The following PHF20 variants were observed in gnomAD, a reference collection of about 807,000 sequenced individuals.
PHF20 encodes PHD finger protein 20.
PHF20 carries 23 observed loss-of-function variants against 113.5 expected under a neutral mutation model. That is an observed-to-expected ratio of 0.20 (90% CI 0.15 to 0.29). PHF20 has a LOEUF of 0.29. Ranked by LOEUF, PHF20 falls within the 10% of genes least tolerant of loss-of-function variation. The probability of loss-of-function intolerance (pLI) is 1.00; values close to 1 mark genes in which losing one functional copy is unlikely to be tolerated. For synonymous variants in PHF20, 434 were observed against 457.3 expected, an observed-to-expected ratio of 0.95 and a Z score of 0.65; for missense variants, 943 against 1,219.6, an observed-to-expected ratio of 0.77 and a Z score of 3.38.
rs2042553905 is a variant in PHF20 at position 35,842,588 on chromosome 20, A to T, written c.99A>T (p.Ile33=). The T allele has an allele frequency of 6.2e-7, 1 of 1,612,572 alleles. No individual in the cohort carries two copies. Among genetic ancestry groups the T allele is most frequent in the Non-Finnish European group, 8.5e-7 (1 of 1,179,620 alleles). ...TCTGACTCAGGTATCCAGCTCACAT[A>T]GAAGACATTGACTACGAGGAAGGAA... ...DRLKNWYPAH[I]EDIDYEEGKV... Residue 33 remains isoleucine, a synonymous_variant, in exon 3 of 18, where the codon ATA becomes ATT. Transcript: ENST00000374012.
chr20:35,787,032 C>T (rs2041433296), intron 1 of PHF20, among the ~76,000 whole-genome samples: 1 of 146,760 alleles, frequency 6.8e-6, no homozygotes, highest in African/African-American at 2.5e-5. Flanking sequence ...TGCTCTGTTG[C>T]CCAAGCTGGA....
intron 5 of PHF20, among the ~76,000 whole-genome samples, chr20:35,861,293 A>G (rs772621560): frequency 1.3e-5 from 2 of 152,232 alleles, no homozygotes; most frequent in Non-Finnish European, 2.9e-5. Context: ...AATAAAAACT[A>G]TAATTCCATC....
rs2055435571 is a variant in PHF20 at position 35,917,794 on chromosome 20, T to G, written c.2004+132T>G. On this transcript the variant is annotated intron_variant, in intron 13 of 17. Coordinates refer to ENST00000374012, the MANE Select transcript of PHF20 (RefSeq NM_016436.5). Reference sequence around the variant, plus strand: ...AGCACGAACGGCAGCAGACTGAGCTTCTCTTTTTCGTTTGGCTTCCTCAGA... The same window carrying G: ...AGCACGAACGGCAGCAGACTGAGCTGCTCTTTTTCGTTTGGCTTCCTCAGA... The G allele has an allele frequency of 1.7e-5, 13 of 752,218 alleles. No individual in the cohort carries two copies. In the South Asian group the frequency reaches 2.1e-4, roughly 12 times the overall value. The allele number at this position is 752,218 out of a possible 1,614,324, so 46.6% of individuals were successfully genotyped here. A position where few individuals can be genotyped will look rare whatever the true frequency, so the allele number is the denominator to read the frequency against.
chr20:35,871,705 C>T lies in PHF20; in HGVS notation c.1158C>T (p.His386=), dbSNP rs752269697. 16 of 1,613,802 alleles carry T rather than the reference C, an allele frequency of 9.9e-6. No homozygotes were observed. The South Asian group carries it at 1.5e-4, about 16-fold the overall frequency. The part of the protein sequence containing the change: ...AGQVSSALTC[H]SFGDGSGAAG... Reference sequence around the variant, plus strand: ...AGGTCTCATCTGCACTGACTTGCCACTCCTTTGGGGATGGATCCGGGGCTG... The same window carrying T: ...AGGTCTCATCTGCACTGACTTGCCATTCCTTTGGGGATGGATCCGGGGCTG... Residue 386 remains histidine, a synonymous_variant, in exon 9 of 18, where the codon CAC becomes CAT. Coordinates refer to ENST00000374012, the MANE Select transcript of PHF20 (RefSeq NM_016436.5).
intron 4 of PHF20, among the ~76,000 whole-genome samples, chr20:35,852,175 G>A (rs931400849): frequency 5.3e-5 from 8 of 152,182 alleles, no homozygotes; most frequent in Admixed American, 6.5e-5. Flanking sequence ...GGAGGTCTGT[G>A]GTTCTACAGA....
chr20:35,893,623 T>A (rs2054919445), intron 9 of PHF20, among the ~76,000 whole-genome samples: 1 of 151,290 alleles, frequency 6.6e-6, no homozygotes, highest in Non-Finnish European at 1.5e-5. Context: ...TTTTTTCTTT[T>A]TTTGTTTTCA....
intron 13 of PHF20, among the ~76,000 whole-genome samples, chr20:35,920,069 G>A (rs928385976): frequency 6.6e-6 from 1 of 152,064 alleles, no homozygotes; most frequent in Admixed American, 6.6e-5. Context: ...AATCACTCCC[G>A]CAATCAAGGT....
chr20:35,784,563 A>G (rs912761199), intron 1 of PHF20, among the ~76,000 whole-genome samples: 31 of 151,384 alleles, frequency 2.0e-4, no homozygotes, highest in African/African-American at 7.5e-4. Context: ...CAGCCTGCCA[A>G]GTAGCTGGGA....
chr20:35,887,276 A>G (rs568102430), intron 9 of PHF20, among the ~76,000 whole-genome samples: 43 of 152,304 alleles, frequency 2.8e-4, no homozygotes, highest in African/African-American at 1.0e-3. Context: ...ATTACCACAA[A>G]TACAGTAGCT....
At chr20:35,941,946 G>A (rs1258766087) in intron 17 of PHF20, among the ~76,000 whole-genome samples, 1 of 152,122 alleles carries the variant, frequency 6.6e-6, no homozygotes, top group African/African-American at 2.4e-5. Flanking sequence ...AGAGGACTCA[G>A]GGTGGATGAT....
At chr20:35,823,440 A>G (rs2042206766) in intron 2 of PHF20, among the ~76,000 whole-genome samples, 1 of 150,016 alleles carries the variant, frequency 6.7e-6, no homozygotes, top group African/African-American at 2.4e-5. Context: ...GTCTCTCAAA[A>G]AAAAAAAAAA....
chr20:35,906,364 T>C (rs2055200619), intron 10 of PHF20, among the ~76,000 whole-genome samples: 1 of 152,206 alleles, frequency 6.6e-6, no homozygotes, highest in Non-Finnish European at 1.5e-5. Flanking sequence ...GAAGTTTATT[T>C]CCCTCTCAGG....
rs147169162 is a variant in PHF20, at chr20:35,947,170, G to A, written c.2897-315G>A. Among the ~76,000 whole-genome samples, 217 of 152,292 alleles carry A rather than the reference G, an allele frequency of 1.4e-3. 1 individual carries two copies. Among genetic ancestry groups the A allele is most frequent in the East Asian group, 2.5e-3 (13 of 5,192 alleles). The stretch of plus-strand genomic sequence containing the variant: ...CAGTTGCATTAGCCATGTTTCCAGC[G>A]CTCAATAGCTGCATAAGGCTAGTGG... On this transcript the variant is annotated intron_variant, in intron 17 of 17. Transcript: ENST00000374012.
intron 1 of PHF20, among the ~76,000 whole-genome samples, chr20:35,780,849 CTT>C (rs61173937): frequency 5.1e-5 from 5 of 98,222 alleles, no homozygotes; most frequent in Admixed American, 1.1e-4. Context: ...GTGCCTGGCC[CTT>C]TTTTTTTTTT....
intron 2 of PHF20, among the ~76,000 whole-genome samples, chr20:35,833,203 T>C (rs1334232447): frequency 6.6e-6 from 1 of 152,228 alleles, no homozygotes; most frequent in Non-Finnish European, 1.5e-5. Flanking sequence ...CTTGTCCTTT[T>C]CCATTTGACA....
intron 2 of PHF20, among the ~76,000 whole-genome samples, chr20:35,835,675 A>AT (rs2042427292): frequency 6.6e-6 from 1 of 152,262 alleles, no homozygotes; most frequent in South Asian, 2.1e-4. Context: ...CACGCCTATA[A>AT]TCCCAGCACT....
intron 5 of PHF20, among the ~76,000 whole-genome samples, chr20:35,860,772 G>GTT (rs2054205164): frequency 6.6e-6 from 1 of 152,082 alleles, no homozygotes; most frequent in African/African-American, 2.4e-5. Context: ...TTTGTAGAAC[G>GTT]AGTTAATATA....
intron 1 of PHF20, chr20:35,799,958 C>G (rs1363694310): frequency 6.6e-6 from 1 of 152,204 alleles, no homozygotes; most frequent in Non-Finnish European, 1.5e-5. Flanking sequence ...AGTCACCGCA[C>G]CCGGCCGGAA....
rs139285221 is a variant in PHF20, at chr20:35,936,859, C to A, written c.2301-1838C>A. 3.5e-3 allele frequency among the ~76,000 whole-genome samples: 528 copies of A among 152,136 alleles called. 4 individuals are homozygous for A. Among genetic ancestry groups the A allele is most frequent in the Middle Eastern group, 0.024 (7 of 294 alleles). ...GAAACTCAGTGTTTGATGGTGTTGG[C>A]AAAAAGAGTCAAATTCTGTAAAATA... On this transcript the variant is annotated intron_variant, in intron 15 of 17. Transcript: ENST00000374012.
Sources: allele counts gnomAD v4.1 joint callset (sites outside exome capture counted in the v4.1 genomes callset), GRCh38; gene constraint gnomAD v4.1.1; transcripts MANE v1.5; gene names NCBI Gene and HGNC (gene_info 2026-07-23, HGNC 2026-07-21).